Variants in EYS observed in about 807,000 individuals in gnomAD.
EYS encodes the protein protein eyes shut homolog.
A neutral mutation model predicts 282.1 loss-of-function variants in EYS; 250 were observed. That is an observed-to-expected ratio of 0.89 (90% CI 0.80 to 0.98). The LOEUF is 0.98. Ranked by LOEUF, EYS falls within the 50% of genes least tolerant of loss-of-function variation. EYS has a pLI of 0.00. For missense variants in EYS, 4,016 were observed against 3,709.0 expected (o/e 1.08, Z -2.15); for synonymous variants, 1,355 against 1,282.9 (o/e 1.06, Z -1.20).
At chr6:63,752,441 G>A (rs916099292) in intron 41 of EYS, among the ~76,000 whole-genome samples, 4 of 151,068 alleles carry the variant, frequency 2.6e-5, no homozygotes, top group Admixed American at 2.6e-4. Context: ...TCTATATAGA[G>A]TCTCTTCATT....
At position 65,694,110 on chromosome 6, in the gene EYS, G is replaced by A. The variant is rs776792549; in HGVS notation, c.-448+13025C>T. Among the ~76,000 whole-genome samples, 17 of 149,982 alleles carry A rather than the reference G, an allele frequency of 1.1e-4. 1 individual carries two copies. Among genetic ancestry groups the A allele is most frequent in the East Asian group, 4.6e-4 (2 of 4,384 alleles). ...TGTATAATAACAAAATTAGCCAGGCGTGGTGGCACATGCCTGTCTGTAATC... is the reference window on the plus strand; with the variant it reads ...TGTATAATAACAAAATTAGCCAGGCATGGTGGCACATGCCTGTCTGTAATC... On this transcript the variant is annotated intron_variant, in intron 1 of 42. Coordinates refer to ENST00000503581, the MANE Select transcript of EYS (RefSeq NM_001142800.2).
chr6:63,941,044 T>C (rs1289678619), intron 35 of EYS, among the ~76,000 whole-genome samples: 1 of 152,190 alleles, frequency 6.6e-6, no homozygotes, highest in Non-Finnish European at 1.5e-5. Context: ...TAGTATTCCA[T>C]GGTGTATATG....
At position 64,606,720 on chromosome 6, in the gene EYS, T is replaced by A. The variant is rs1766949255; in HGVS notation, c.3684+10698A>T. 1.3e-5 allele frequency among the ~76,000 whole-genome samples: 2 copies of A among 152,066 alleles called. 1 individual carries two copies. Among genetic ancestry groups the A allele is most frequent in the South Asian group, 4.1e-4 (2 of 4,826 alleles). On this transcript the variant is annotated intron_variant, in intron 24 of 42. Coordinates refer to ENST00000503581, the MANE Select transcript of EYS (RefSeq NM_001142800.2). ...AGATTGAAGTGAGTCAGCCTTATAGTCAGAAAGTCTTTGAAGCTAGTCTTC... is the reference window on the plus strand; with the variant it reads ...AGATTGAAGTGAGTCAGCCTTATAGACAGAAAGTCTTTGAAGCTAGTCTTC...
chr6:63,878,091 T>C (rs903534467), intron 35 of EYS, among the ~76,000 whole-genome samples: 2 of 152,216 alleles, frequency 1.3e-5, no homozygotes, highest in African/African-American at 4.8e-5. Context: ...CTCTGGTTTC[T>C]CCCTATCTTT....
At chr6:64,066,138 G>A (rs769651298) in intron 33 of EYS, among the ~76,000 whole-genome samples, 200 bp downstream of exon 33, 1 of 152,064 alleles carries the variant, frequency 6.6e-6, no homozygotes, top group African/African-American at 2.4e-5. Flanking sequence ...CTAGCCAGGC[G>A]TGGTGGTGCA....
chr6:65,236,923 G>A (rs1766940919), intron 12 of EYS, among the ~76,000 whole-genome samples: 1 of 152,104 alleles, frequency 6.6e-6, no homozygotes, highest in Admixed American at 6.6e-5. Context: ...TTCTGCTTAT[G>A]TGAGTGTTCA....
chr6:63,927,568 T>G (rs1320577499), intron 35 of EYS, among the ~76,000 whole-genome samples: 2 of 152,204 alleles, frequency 1.3e-5, no homozygotes, highest in African/African-American at 4.8e-5. Context: ...TAAGGTGAGT[T>G]TTTTGAGATG....
At chr6:65,672,588 C>T (rs1768426911) in intron 1 of EYS, among the ~76,000 whole-genome samples, 2 of 151,974 alleles carry the variant, frequency 1.3e-5, no homozygotes, top group African/African-American at 4.8e-5. Flanking sequence ...CTGTTGTAAC[C>T]AACAGTTGGG....
chr6:64,645,331 G>A (rs1167667730), intron 22 of EYS, among the ~76,000 whole-genome samples: 1 of 152,158 alleles, frequency 6.6e-6, no homozygotes, highest in Non-Finnish European at 1.5e-5. Context: ...ACAACTTAAA[G>A]CAGAACGATT....
chr6:64,655,550 A>G (rs903486198), intron 22 of EYS, among the ~76,000 whole-genome samples: 2 of 152,076 alleles, frequency 1.3e-5, no homozygotes, highest in African/African-American at 4.8e-5. Flanking sequence ...AAACAGACAT[A>G]TCAATAAAGA....
At chr6:64,326,258 T>C (rs1430332803) in intron 29 of EYS, among the ~76,000 whole-genome samples, 1 of 152,134 alleles carries the variant, frequency 6.6e-6, no homozygotes, top group Non-Finnish European at 1.5e-5. Flanking sequence ...CTGTGGTCAG[T>C]GGACCTCATC....
intron 19 of EYS, among the ~76,000 whole-genome samples, chr6:64,868,333 T>C (rs952738011): frequency 3.3e-5 from 5 of 151,472 alleles, no homozygotes; most frequent in African/African-American, 9.7e-5. Context: ...CAATTTTTTC[T>C]AACTTATTAA....
chr6:65,579,529 T>G (rs1764797145), intron 2 of EYS, among the ~76,000 whole-genome samples: 1 of 152,088 alleles, frequency 6.6e-6, no homozygotes, highest in Admixed American at 6.6e-5. Flanking sequence ...AAGCTGAAAC[T>G]TTGAGATCAG....
intron 15 of EYS, among the ~76,000 whole-genome samples, chr6:64,937,649 G>A (rs1347650692): frequency 6.6e-6 from 1 of 151,598 alleles, no homozygotes; most frequent in African/African-American, 2.4e-5. Context: ...TTGGCAAGAT[G>A]TGGAGAAGTT....
At chr6:64,740,979 C>T (rs1772352399) in intron 22 of EYS, among the ~76,000 whole-genome samples, 1 of 152,106 alleles carries the variant, frequency 6.6e-6, no homozygotes. Flanking sequence ...TCCCAAAGTG[C>T]TGGGATTACA....
intron 35 of EYS, among the ~76,000 whole-genome samples, chr6:63,902,020 G>T (rs563458874): frequency 3.4e-4 from 51 of 152,042 alleles, no homozygotes; most frequent in African/African-American, 1.2e-3. Flanking sequence ...ACCCTTCTAA[G>T]CAGCTAGGAT....
intron 28 of EYS, among the ~76,000 whole-genome samples, chr6:64,413,900 G>A (rs1773984022): frequency 6.6e-6 from 1 of 152,092 alleles, no homozygotes; most frequent in African/African-American, 2.4e-5. Flanking sequence ...TCATGAATAA[G>A]ATTAGTGCCT....
intron 35 of EYS, among the ~76,000 whole-genome samples, chr6:63,944,539 T>C (rs1257418709): frequency 6.6e-6 from 1 of 152,242 alleles, no homozygotes; most frequent in African/African-American, 2.4e-5. Flanking sequence ...CTAAATCTAG[T>C]TAACACATGC....
intron 31 of EYS, among the ~76,000 whole-genome samples, chr6:64,108,721 T>C (rs1398059816): frequency 1.3e-5 from 2 of 149,168 alleles, no homozygotes; most frequent in Non-Finnish European, 2.9e-5. Context: ...CTGACTGCCA[T>C]GGTCCCACTT....
Sources: allele counts gnomAD v4.1 joint callset (sites outside exome capture counted in the v4.1 genomes callset), GRCh38; gene constraint gnomAD v4.1.1; transcripts MANE v1.5; gene names NCBI Gene and HGNC (gene_info 2026-07-23, HGNC 2026-07-21).